Variants in C4orf51 observed in about 807,000 individuals in gnomAD.
C4orf51 encodes uncharacterized protein C4orf51.
C4orf51 carries 25 observed loss-of-function variants against 25.2 expected under a neutral mutation model. The ratio of observed to expected loss-of-function variants is 0.99; its 90% confidence interval spans 0.72 to 1.39. The LOEUF (loss-of-function observed/expected upper bound fraction) is 1.39. Among genes scored for constraint, C4orf51 ranks in the 40% most tolerant of loss-of-function variants. The probability of loss-of-function intolerance (pLI) is 0.00; values close to 1 mark genes in which losing one functional copy is unlikely to be tolerated. For missense variants in C4orf51, 252 were observed against 239.6 expected (o/e 1.05, Z -0.34); for synonymous variants, 100 against 84.5 (o/e 1.18, Z -1.01).
At position 145,763,075 on chromosome 4, in the gene C4orf51, C is replaced by A. The variant is rs1353178800; in HGVS notation, n.167-7913C>A. ...TCAGGTGCACACACAACCCCTACGC[C>A]AAGCTGGGCCTTACCTAGAGGAGTC... On this transcript the variant is annotated intron_variant and non_coding_transcript_variant, in intron 1 of 1. Coordinates refer to the C4orf51 transcript ENST00000510096. The surrounding 1 kb of genome is among the most constrained non-coding windows in gnomAD (Gnocchi z 4.6). 2 of 1,535,570 alleles carry A rather than the reference C, an allele frequency of 1.3e-6. No individual in the cohort carries two copies. The highest frequency in any genetic ancestry group is 1.7e-6 in the Non-Finnish European group (2 of 1,146,686).
chr4:145,778,118 C>T, the C4orf51 span, among the ~76,000 whole-genome samples: 1 of 151,746 alleles, frequency 6.6e-6, no homozygotes, highest in African/African-American at 2.4e-5. Flanking sequence ...ATGGAGAAAC[C>T]CCATTTCTAC....
chr4:145,742,492 A>G (rs1380609095), intron 1 of C4orf51, among the ~76,000 whole-genome samples: 2 of 148,696 alleles, frequency 1.3e-5, no homozygotes, highest in African/African-American at 5.0e-5. Context: ...GCTTTGGAAT[A>G]CATTTTCAGT....
At chr4:145,757,676 C>G (rs1368240949), downstream of C4orf51, 4 of 149,698 alleles carry the variant, frequency 2.7e-5, no homozygotes, top group Non-Finnish European at 5.9e-5. Flanking sequence ...TACTTTCAAA[C>G]TGGATACACT....
At chr4:145,705,257 GATC>G (rs1730729365) in intron 2 of C4orf51, among the ~76,000 whole-genome samples, 1 of 152,210 alleles carries the variant, frequency 6.6e-6, no homozygotes, top group Non-Finnish European at 1.5e-5. Context: ...GGACGCTGCT[GATC>G]ACCAGTTTCA....
At chr4:145,772,019 C>T (rs567550950), downstream of C4orf51, among the ~76,000 whole-genome samples, 1 of 152,240 alleles carries the variant, frequency 6.6e-6, no homozygotes, top group Admixed American at 6.5e-5. Context: ...CTTATGGTAC[C>T]ATAGGGTCTA....
At chr4:145,779,441 G>C in the C4orf51 span, 1 of 1,614,182 alleles carries the variant, frequency 6.2e-7, no homozygotes, top group Non-Finnish European at 8.5e-7. Flanking sequence ...ACACGTCACA[G>C]GGAAAAAGCT....
intron 1 of C4orf51, among the ~76,000 whole-genome samples, chr4:145,683,885 A>C (rs1343179307): frequency 1.3e-5 from 2 of 152,230 alleles, no homozygotes; most frequent in African/African-American, 4.8e-5. Context: ...TCCATCAAAG[A>C]AATAATGGAT....
the C4orf51 span, among the ~76,000 whole-genome samples, chr4:145,783,683 T>C: frequency 6.6e-6 from 1 of 152,252 alleles, no homozygotes; most frequent in African/African-American, 2.4e-5. Flanking sequence ...AAATGAAGGA[T>C]ATACTGGTAT....
chr4:145,750,713 C>T (rs530982368), intron 1 of C4orf51, among the ~76,000 whole-genome samples: 1 of 152,138 alleles, frequency 6.6e-6, no homozygotes, highest in South Asian at 2.1e-4. Flanking sequence ...TGTTATTTTC[C>T]CTTTGAATAA....
chr4:145,729,513 G>T (rs571850607), intron 4 of C4orf51, among the ~76,000 whole-genome samples: 1 of 152,166 alleles, frequency 6.6e-6, no homozygotes, highest in Non-Finnish European at 1.5e-5. Context: ...GTGTTAGCCA[G>T]GATGGTCTCG....
intron 2 of C4orf51, among the ~76,000 whole-genome samples, chr4:145,723,435 G>A (rs1479205231): frequency 1.3e-5 from 2 of 152,054 alleles, no homozygotes; most frequent in South Asian, 2.1e-4. Context: ...CAGAATCACC[G>A]AGAAGGTTGA....
intron 1 of C4orf51, among the ~76,000 whole-genome samples, chr4:145,738,716 T>C (rs1453567090): frequency 6.6e-6 from 1 of 152,062 alleles, no homozygotes; most frequent in Non-Finnish European, 1.5e-5. Flanking sequence ...CTCAGCTCAC[T>C]GCAACCTTTG....
rs1035502985 is a variant in C4orf51 at position 145,761,755 on chromosome 4, C to T, written n.167-9233C>T. On this transcript the variant is annotated intron_variant and non_coding_transcript_variant, in intron 1 of 1. Transcript: ENST00000510096. The surrounding 1 kb of genome is among the most constrained non-coding windows in gnomAD (Gnocchi z 6.8). The stretch of plus-strand genomic sequence containing the variant: ...GCCCTGCCGCCTCTCAGGGGTGGAA[C>T]GGCCCTTTTTGGCTCTCCCTGCTGA... Among the ~76,000 whole-genome samples the T allele has an allele frequency of 6.6e-6, 1 of 152,202 alleles. No homozygotes were observed. The highest frequency in any genetic ancestry group is 1.5e-5 in the Non-Finnish European group (1 of 68,028).
chr4:145,786,475 T>C, the C4orf51 span, among the ~76,000 whole-genome samples: 1 of 152,340 alleles, frequency 6.6e-6, no homozygotes, highest in Admixed American at 6.5e-5. Context: ...GGGTTTTCCA[T>C]TGTGACATAT....
intron 1 of C4orf51, among the ~76,000 whole-genome samples, chr4:145,738,056 G>T (rs909240789): frequency 2.6e-5 from 4 of 151,872 alleles, no homozygotes; most frequent in South Asian, 2.1e-4. Context: ...AGAGAGTAAG[G>T]CTTGGAGAGA....
At chr4:145,764,759 TC>T in intron 1 of C4orf51, 2 of 574,896 alleles carry the variant, frequency 3.5e-6, no homozygotes, top group Non-Finnish European at 6.2e-6. Context: ...TTGCCCTGAA[TC>T]CCGGGGTATT....
At chr4:145,700,840 C>T (rs2126702997) in intron 2 of C4orf51, among the ~76,000 whole-genome samples, 1 of 152,302 alleles carries the variant, frequency 6.6e-6, no homozygotes, top group East Asian at 1.9e-4. Context: ...CACTCCTCCA[C>T]CCTGTAATCT....
chr4:145,768,524 G>A (rs1735666396), intron 1 of C4orf51, among the ~76,000 whole-genome samples: 1 of 151,990 alleles, frequency 6.6e-6, no homozygotes, highest in Non-Finnish European at 1.5e-5. Context: ...CCTGGTTCAA[G>A]AGACTTAAGA....
chr4:145,705,081 G>A (rs940176883), intron 2 of C4orf51, among the ~76,000 whole-genome samples: 1 of 152,194 alleles, frequency 6.6e-6, no homozygotes, highest in African/African-American at 2.4e-5. Flanking sequence ...CACTTGAGAG[G>A]AGAGCATGCA....
Sources: allele counts gnomAD v4.1 joint callset (sites outside exome capture counted in the v4.1 genomes callset), GRCh38; gene constraint gnomAD v4.1.1; non-coding constraint Gnocchi (gnomAD v3.1); transcripts MANE v1.5; gene names NCBI Gene and HGNC (gene_info 2026-07-23, HGNC 2026-07-21).